The following FMNL2 variants were observed in gnomAD, a reference collection of about 807,000 sequenced individuals.
The protein encoded by FMNL2 is formin like 2.
Under a neutral mutation model 130.2 loss-of-function variants are expected in FMNL2, and 51 were observed. The observed-to-expected ratio is 0.39, with a 90% CI of 0.31 to 0.49. The LOEUF (loss-of-function observed/expected upper bound fraction) is 0.49, where lower values mean the gene tolerates loss of function less well. Ranked by LOEUF, FMNL2 falls within the 20% of genes least tolerant of loss-of-function variation. The pLI, the probability that FMNL2 is intolerant of heterozygous loss-of-function variation, is 0.85. For missense variants in FMNL2, 977 were observed against 1,316.2 expected (o/e 0.74, Z 3.99); for synonymous variants, 465 against 467.1 (o/e 1.00, Z 0.06).
chr2:152,633,591 A>G (rs1012296614), intron 21 of FMNL2, among the ~76,000 whole-genome samples: 1 of 152,230 alleles, frequency 6.6e-6, no homozygotes, highest in African/African-American at 2.4e-5. Flanking sequence ...CTCTCTGACT[A>G]TGAAGAACTA....
rs947492980 is a variant in FMNL2, at chr2:152,442,312, C to T, written c.118-79631C>T. On this transcript the variant is annotated intron_variant, in intron 1 of 25. Transcript: ENST00000288670. ...TGTTGCCCAGGCTGGAGTGCAATGG[C>T]GCGATCTTGGCTTACTGCGACCTCC... Among the ~76,000 whole-genome samples the T allele has an allele frequency of 3.3e-5, 5 of 150,706 alleles. No homozygotes were observed. In the South Asian group the frequency reaches 1.1e-3, roughly 32 times the overall value.
chr2:152,595,383 C>A (rs770665710), intron 9 of FMNL2, among the ~76,000 whole-genome samples: 38 of 152,182 alleles, frequency 2.5e-4, no homozygotes, highest in Non-Finnish European at 4.6e-4. Flanking sequence ...TGCAGTGGCG[C>A]AATCTCGGCT....
chr2:152,533,546 C>T (rs995820225), intron 2 of FMNL2, among the ~76,000 whole-genome samples: 17 of 115,318 alleles, frequency 1.5e-4, no homozygotes, highest in African/African-American at 5.2e-4. Flanking sequence ...AATTCTCCAA[C>T]TTTTTTTTTT....
In FMNL2 at chr2:152,607,633, C is replaced by G. The variant is rs1414890737; in HGVS notation, c.951+220C>G. The G allele has an allele frequency of 1.2e-5, 5 of 406,614 alleles. No individual in the cohort carries two copies. In the East Asian group the frequency reaches 1.5e-4, roughly 12 times the overall value. 25.2% of individuals were successfully genotyped at this position (406,614 alleles called of 1,614,324 possible). A position where few individuals can be genotyped will look rare whatever the true frequency, so the allele number is the denominator to read the frequency against. The stretch of plus-strand genomic sequence containing the variant: ...CCTTACATACACGGTATAGTAAAGA[C>G]AAAAGTACTAATCATAGCAAATAAA... On this transcript the variant is annotated intron_variant, in intron 10 of 25. Coordinates refer to ENST00000288670, the MANE Select transcript of FMNL2 (RefSeq NM_052905.4).
rs769517661 is a variant in FMNL2, at chr2:152,335,623, T to G, written c.20T>G (p.Met7Arg). 6 of 1,590,082 alleles carry G rather than the reference T, an allele frequency of 3.8e-6. No homozygotes were observed. In the Admixed American group the frequency reaches 6.9e-5, roughly 18 times the overall value. ...GCCGACATGGGCAACGCAGGGAGCA[T>G]GGATTCGCAGCAGACCGATTTCAGG... MGNAGS[M>R]DSQQTDFRAH... is the part of the protein sequence containing the mutation. Residue 7 changes from methionine (M) to arginine (R), a missense_variant, in exon 1 of 26, where the codon ATG becomes AGG. Coordinates refer to ENST00000288670, the MANE Select transcript of FMNL2 (RefSeq NM_052905.4).
At chr2:152,555,729 A>G (rs576429239) in intron 4 of FMNL2, among the ~76,000 whole-genome samples, 34 of 152,318 alleles carry the variant, frequency 2.2e-4, no homozygotes, top group African/African-American at 7.2e-4. Flanking sequence ...TGGTAATTAC[A>G]TTGAATCCGT....
chr2:152,510,872 T>G (rs1692463793), intron 1 of FMNL2, among the ~76,000 whole-genome samples: 2 of 152,236 alleles, frequency 1.3e-5, no homozygotes, highest in South Asian at 4.1e-4. Context: ...CCATCAAGAC[T>G]GATAAACACG....
chr2:152,478,876 T>C (rs1459781627), intron 1 of FMNL2, among the ~76,000 whole-genome samples: 2 of 152,134 alleles, frequency 1.3e-5, no homozygotes, highest in African/African-American at 4.8e-5. Context: ...TGTGACCTGG[T>C]GAATTTCAAA....
At chr2:152,504,091 T>TG (rs1692012411) in intron 1 of FMNL2, among the ~76,000 whole-genome samples, 1 of 152,140 alleles carries the variant, frequency 6.6e-6, no homozygotes, top group African/African-American at 2.4e-5. Flanking sequence ...CGCGGGAGGT[T>TG]GGGGCATGAG....
chr2:152,434,336 G>A (rs1380671778), intron 1 of FMNL2, among the ~76,000 whole-genome samples: 1 of 152,212 alleles, frequency 6.6e-6, no homozygotes, highest in African/African-American at 2.4e-5. Context: ...AAAGGCATTA[G>A]CATTGCATAT....
chr2:152,600,087 G>A lies in FMNL2; in HGVS notation c.877-7252G>A, dbSNP rs115594525. 8.4e-3 allele frequency among the ~76,000 whole-genome samples: 1,278 copies of A among 152,228 alleles called. 22 individuals are homozygous for A. The highest frequency in any genetic ancestry group is 0.029 in the African/African-American group (1,203 of 41,530). On this transcript the variant is annotated intron_variant, in intron 9 of 25. Coordinates refer to ENST00000288670, the MANE Select transcript of FMNL2 (RefSeq NM_052905.4). ...GTGCACTCAGTAGATGGTAAAAGAT[G>A]GTTTTCACCTAGGACTAACTATGAA...
chr2:152,506,082 C>G (rs537947852), intron 1 of FMNL2, among the ~76,000 whole-genome samples: 2 of 152,138 alleles, frequency 1.3e-5, no homozygotes, highest in Non-Finnish European at 2.9e-5. Context: ...GCCAAGGTAA[C>G]TAGGGTGCTG....
intron 1 of FMNL2, among the ~76,000 whole-genome samples, chr2:152,402,457 C>T (rs1345767209): frequency 1.3e-5 from 2 of 152,066 alleles, no homozygotes; most frequent in Non-Finnish European, 2.9e-5. Flanking sequence ...ACTGATCTAC[C>T]CTCTGAGTGT....
At chr2:152,491,418 T>A (rs1314669990) in intron 1 of FMNL2, among the ~76,000 whole-genome samples, 1 of 152,178 alleles carries the variant, frequency 6.6e-6, no homozygotes, top group East Asian at 1.9e-4. Flanking sequence ...AGGATGCTGC[T>A]ATTTTCTATC....
rs1387983035 is a variant in FMNL2 at position 152,628,369 on chromosome 2, G to A, written c.2236G>A (p.Val746Met). ...LMRFLPTENE[V>M]KVLRLYERER... is the part of the protein sequence containing the mutation. ...GCGGTTCCTACCAACTGAGAATGAA[G>A]TGAAAGTGCTTCGGCTCTACGAGCG... is the stretch of plus-strand genomic sequence containing the variant. The change falls in exon 18 of 26, where the codon GTG becomes ATG. Residue 746 changes from valine to methionine, a missense_variant. Physicochemically the swap from Val to Met is conservative, Grantham distance 21. Transcript: ENST00000288670. 1.9e-6 allele frequency: 3 copies of A among 1,613,950 alleles called. No homozygotes were observed. Among genetic ancestry groups the A allele is most frequent in the African/African-American group, 2.7e-5 (2 of 74,942 alleles).
rs1683876219 is a variant in FMNL2 at position 152,649,314 on chromosome 2, G to GTAAA, written c.*1412_*1415dup. ...CCCACCTAAGCCTCTGGGTAATATT[G>GTAAA]TAAATATTGTTTTAAAATGCATCAG... On this transcript the variant is annotated 3_prime_UTR_variant, in exon 26 of 26. Coordinates refer to ENST00000288670, the MANE Select transcript of FMNL2 (RefSeq NM_052905.4). 1 of 152,428 alleles carries GTAAA rather than the reference G, an allele frequency of 6.6e-6. No homozygotes were observed. The highest frequency in any genetic ancestry group is 3.4e-3 in the Middle Eastern group (1 of 292). 9.4% of individuals were successfully genotyped at this position (152,428 alleles called of 1,614,324 possible).
intron 1 of FMNL2, among the ~76,000 whole-genome samples, chr2:152,484,417 A>G (rs1451450093): frequency 6.6e-6 from 1 of 151,940 alleles, no homozygotes; most frequent in Non-Finnish European, 1.5e-5. Context: ...AGGTAGGAGG[A>G]TCACTTGAGG....
intron 1 of FMNL2, among the ~76,000 whole-genome samples, chr2:152,508,976 T>C (rs1444219247): frequency 6.6e-6 from 1 of 152,216 alleles, no homozygotes; most frequent in South Asian, 2.1e-4. Flanking sequence ...TGTCTGTAAA[T>C]GTAGGTGTGC....
At chr2:152,476,763 G>A (rs891704652) in intron 1 of FMNL2, among the ~76,000 whole-genome samples, 3 of 151,830 alleles carry the variant, frequency 2.0e-5, no homozygotes, top group Non-Finnish European at 2.9e-5. Context: ...CATAGTGGGC[G>A]GAACACCTTG....
Sources: gnomAD v4.1 joint callset for allele counts (sites outside exome capture counted in the v4.1 genomes callset) on GRCh38, gnomAD v4.1.1 for gene constraint, MANE v1.5 for transcripts, NCBI Gene and HGNC (gene_info 2026-07-23, HGNC 2026-07-21) for gene names.